The following ASTN2 variants were observed in gnomAD, a reference collection of about 807,000 sequenced individuals.
The protein encoded by ASTN2 is astrotactin 2.
ASTN2 carries 54 observed loss-of-function variants against 139.8 expected under a neutral mutation model. That is an observed-to-expected ratio of 0.39 (90% CI 0.31 to 0.48). The LOEUF is 0.48. Ranked by LOEUF, ASTN2 falls within the 20% of genes least tolerant of loss-of-function variation. ASTN2 has a pLI of 0.95. For missense variants in ASTN2, 1,565 were observed against 1,725.1 expected (o/e 0.91, Z 1.64); for synonymous variants, 756 against 719.5 (o/e 1.05, Z -0.81).
At chr9:117,295,488 A>G (rs1323854342) in intron 1 of ASTN2, among the ~76,000 whole-genome samples, 4 of 152,162 alleles carry the variant, frequency 2.6e-5, no homozygotes, top group African/African-American at 7.2e-5. Flanking sequence ...TGCTTGGCAC[A>G]TAATACATGC....
chr9:117,407,178 T>A (rs1283895126), intron 1 of ASTN2, among the ~76,000 whole-genome samples: 2 of 152,084 alleles, frequency 1.3e-5, no homozygotes, highest in African/African-American at 4.8e-5. Flanking sequence ...GAGGTAGAGG[T>A]GCCAAATAAG....
At chr9:117,307,959 A>AGCC (rs1835044260) in intron 1 of ASTN2, among the ~76,000 whole-genome samples, 1 of 152,180 alleles carries the variant, frequency 6.6e-6, no homozygotes, top group Non-Finnish European at 1.5e-5. Flanking sequence ...AGAGCAGAAC[A>AGCC]GCCTTGTTCT....
At chr9:116,726,745 C>T (rs188068061) in intron 15 of ASTN2, among the ~76,000 whole-genome samples, 123 of 150,806 alleles carry the variant, frequency 8.2e-4, no homozygotes, top group African/African-American at 2.9e-3. Flanking sequence ...GGGGCCTGCA[C>T]AGCAGTCACT....
At position 116,772,836 on chromosome 9, in the gene ASTN2, G is replaced by A. The variant is rs527285357; in HGVS notation, c.2396+32796C>T. Among the ~76,000 whole-genome samples, 15 of 152,256 alleles carry A rather than the reference G, an allele frequency of 9.9e-5. No individual in the cohort carries two copies. In the East Asian group the frequency reaches 2.3e-3, roughly 24 times the overall value. On this transcript the variant is annotated intron_variant, in intron 13 of 22. Transcript: ENST00000313400. ...GTCAAAGGAAATATATGAACCTCCG[G>A]GTCAGAGCTCAGGGGGCTTAGCTTT... is the stretch of plus-strand genomic sequence containing the variant.
At chr9:116,982,267 C>T (rs1481312810) in intron 7 of ASTN2, among the ~76,000 whole-genome samples, 1 of 152,154 alleles carries the variant, frequency 6.6e-6, no homozygotes, top group Non-Finnish European at 1.5e-5. Flanking sequence ...TCTCCCTGAG[C>T]CTGTTTCCTT....
rs56991546 is a variant in ASTN2, at chr9:116,718,972, G to GTGTGTGTGTATATATATATATA, written c.2806+6798_2806+6799insTATATATATATATACACACACA. On this transcript the variant is annotated intron_variant, in intron 16 of 22. Transcript: ENST00000313400. The stretch of plus-strand genomic sequence containing the variant: ...TATTTACATATCTATACCTGTATCT[G>GTGTGTGTGTATATATATATATA]TACATATATATATATATATCTGCCT... Among the ~76,000 whole-genome samples, 86 of 100,044 alleles carry GTGTGTGTGTATATATATATATA rather than the reference G, an allele frequency of 8.6e-4. 1 individual carries two copies. Among genetic ancestry groups the GTGTGTGTGTATATATATATATA allele is most frequent in the African/African-American group, 3.2e-3 (83 of 26,054 alleles). 65.6% of individuals were successfully genotyped at this position (100,044 alleles called of 152,430 possible).
intron 5 of ASTN2, among the ~76,000 whole-genome samples, chr9:117,041,412 T>G (rs1051976890): frequency 6.6e-6 from 1 of 152,174 alleles, no homozygotes; most frequent in Non-Finnish European, 1.5e-5. Context: ...CCTGAGATCC[T>G]CAGCTTATTG....
At chr9:117,063,388 T>G (rs1839350455) in intron 5 of ASTN2, among the ~76,000 whole-genome samples, 1 of 152,150 alleles carries the variant, frequency 6.6e-6, no homozygotes, top group Non-Finnish European at 1.5e-5. Flanking sequence ...GGGGGTGATT[T>G]CTCCCATGTT....
chr9:116,441,202 A>T (rs1212410396), intron 21 of ASTN2, among the ~76,000 whole-genome samples: 3 of 152,038 alleles, frequency 2.0e-5, no homozygotes, highest in Non-Finnish European at 2.9e-5. Context: ...TTTCCAACAC[A>T]TTTCTGTGAT....
At chr9:116,942,173 A>G (rs1211449420) in intron 10 of ASTN2, among the ~76,000 whole-genome samples, 1 of 151,976 alleles carries the variant, frequency 6.6e-6, no homozygotes, top group East Asian at 1.9e-4. Flanking sequence ...TACCCAGTGC[A>G]GTGCGGCAAC....
At chr9:116,584,103 T>C (rs890181789) in intron 19 of ASTN2, 4 of 151,290 alleles carry the variant, frequency 2.6e-5, no homozygotes, top group Non-Finnish European at 5.9e-5. Context: ...CAAAGTGAAA[T>C]GTGAGGTAAC....
intron 4 of ASTN2, among the ~76,000 whole-genome samples, chr9:117,105,201 G>T (rs1831615786): frequency 6.6e-6 from 1 of 152,108 alleles, no homozygotes; most frequent in Non-Finnish European, 1.5e-5. Context: ...CTAATCTACA[G>T]AATGCAGAGG....
chr9:117,051,608 T>C (rs1172390879), intron 5 of ASTN2, among the ~76,000 whole-genome samples: 2 of 152,170 alleles, frequency 1.3e-5, no homozygotes, highest in Non-Finnish European at 2.9e-5. Context: ...AAGGTACCCC[T>C]TTGGTTCTAA....
At chr9:117,165,460 A>T (rs968714136) in intron 3 of ASTN2, among the ~76,000 whole-genome samples, 5 of 152,028 alleles carry the variant, frequency 3.3e-5, no homozygotes, top group Non-Finnish European at 5.9e-5. Flanking sequence ...TGCCTGACTG[A>T]CCCAGATTGA....
At chr9:117,006,248 C>A (rs142826948) in intron 7 of ASTN2, among the ~76,000 whole-genome samples, 6 of 152,242 alleles carry the variant, frequency 3.9e-5, no homozygotes, top group African/African-American at 1.4e-4. Context: ...GACCCAAATG[C>A]CCATTCTCCA....
chr9:116,539,048 A>G (rs1193130882), intron 19 of ASTN2, among the ~76,000 whole-genome samples: 1 of 152,226 alleles, frequency 6.6e-6, no homozygotes, highest in South Asian at 2.1e-4. Flanking sequence ...ATGCTACGAC[A>G]TGGACGAACC....
Position 117,122,802 on chromosome 9 carries a change from A to T in ASTN2, c.1168+18524T>A, listed in dbSNP as rs1221256379. On this transcript the variant is annotated intron_variant, in intron 4 of 22. Transcript: ENST00000313400. ...GAGACACTGTGGAACTTCCTCCTTC[A>T]CTTTTAGCAGTTCAGACACATGCCA... 3.9e-5 allele frequency among the ~76,000 whole-genome samples: 6 copies of T among 152,252 alleles called. No individual in the cohort carries two copies. The South Asian group carries it at 1.0e-3, about 26-fold the overall frequency.
intron 1 of ASTN2, among the ~76,000 whole-genome samples, chr9:117,372,756 C>G (rs1294085616): frequency 6.6e-6 from 1 of 152,050 alleles, no homozygotes; most frequent in Admixed American, 6.6e-5. Context: ...GCACCAAACC[C>G]TTAGGGTTTG....
At chr9:117,194,685 A>G (rs1831444137) in intron 3 of ASTN2, among the ~76,000 whole-genome samples, 1 of 152,220 alleles carries the variant, frequency 6.6e-6, no homozygotes, top group Non-Finnish European at 1.5e-5. Context: ...AATGGACAGG[A>G]GTAATACATG....
Sources: allele counts gnomAD v4.1 joint callset (sites outside exome capture counted in the v4.1 genomes callset), GRCh38; gene constraint gnomAD v4.1.1; transcripts MANE v1.5; gene names NCBI Gene and HGNC (gene_info 2026-07-23, HGNC 2026-07-21).